The following FGF12 variants were observed in gnomAD, a reference collection of about 807,000 sequenced individuals.
FGF12 encodes the protein fibroblast growth factor 12B.
In FGF12, 14 loss-of-function variants were observed where a neutral mutation model predicts 23.6. That is an observed-to-expected ratio of 0.59 (90% CI 0.39 to 0.93). The LOEUF is 0.93. Among genes scored for constraint, FGF12 ranks in the 40% least tolerant of loss-of-function variants. The probability of loss-of-function intolerance (pLI) is 0.00; values close to 1 mark genes in which losing one functional copy is unlikely to be tolerated. For synonymous variants in FGF12, 62 were observed against 77.3 expected (o/e 0.80, Z 1.04); for missense variants, 175 against 217.8 (o/e 0.80, Z 1.24).
intron 2 of FGF12, among the ~76,000 whole-genome samples, chr3:192,562,971 A>T (rs1405492807): frequency 6.6e-6 from 1 of 152,184 alleles, no homozygotes; most frequent in African/African-American, 2.4e-5. Flanking sequence ...TCTTAGACAC[A>T]TTGTTTGCCA....
intron 2 of FGF12, among the ~76,000 whole-genome samples, chr3:192,599,099 C>T (rs374892082): frequency 1.1e-4 from 17 of 151,850 alleles, no homozygotes; most frequent in Admixed American, 5.3e-4. Flanking sequence ...TATCACACAC[C>T]GGAGCCTGTA....
chr3:192,429,288 G>C (rs994078312), intron 2 of FGF12, among the ~76,000 whole-genome samples: 2 of 152,130 alleles, frequency 1.3e-5, no homozygotes, highest in African/African-American at 4.8e-5. Context: ...AGACTGGCTT[G>C]TGAAGGATCA....
chr3:192,716,101 T>C lies in FGF12; in HGVS notation c.13+11080A>G, dbSNP rs557038631. ...ACTAGATTGTCTACACCAGGTTTTC[T>C]CAAAGATCTAGACTAGCAGCATCAA... On this transcript the variant is annotated intron_variant, in intron 2 of 5. Transcript: ENST00000445105. Among the ~76,000 whole-genome samples, 16 of 152,352 alleles carry C rather than the reference T, an allele frequency of 1.1e-4. No individual in the cohort carries two copies. In the East Asian group the frequency reaches 3.1e-3, roughly 29 times the overall value.
intron 2 of FGF12, among the ~76,000 whole-genome samples, chr3:192,633,852 C>T (rs1442474885): frequency 6.6e-6 from 1 of 152,190 alleles, no homozygotes; most frequent in African/African-American, 2.4e-5. Context: ...TCTCACATCT[C>T]AACAACCCTT....
At chr3:192,695,930 C>A (rs148140612) in intron 2 of FGF12, among the ~76,000 whole-genome samples, 1 of 152,118 alleles carries the variant, frequency 6.6e-6, no homozygotes, top group Non-Finnish European at 1.5e-5. Context: ...GAAACCCCAT[C>A]TCTACTAAAA....
intron 2 of FGF12, among the ~76,000 whole-genome samples, chr3:192,712,012 G>A (rs562460424): frequency 1.3e-5 from 2 of 148,826 alleles, no homozygotes; most frequent in East Asian, 3.9e-4. Flanking sequence ...TCGCATCTGT[G>A]AAATAAGACG....
At chr3:192,465,551 T>C (rs1392379253) in intron 2 of FGF12, among the ~76,000 whole-genome samples, 2 of 152,184 alleles carry the variant, frequency 1.3e-5, no homozygotes, top group East Asian at 1.9e-4. Flanking sequence ...GTCTGGAAAC[T>C]TGGTCGATGG....
chr3:192,145,440 A>T (rs982852536), intron 5 of FGF12, among the ~76,000 whole-genome samples: 1 of 152,198 alleles, frequency 6.6e-6, no homozygotes, highest in Non-Finnish European at 1.5e-5. Context: ...TCTATTACAG[A>T]ACTTCTTAAA....
At chr3:192,641,044 C>T (rs114982404) in intron 2 of FGF12, among the ~76,000 whole-genome samples, 2,973 of 151,788 alleles carry the variant, frequency 0.02, 119 homozygotes, top group African/African-American at 0.069. Context: ...GATCCACCTG[C>T]CTCAGCCTCC....
intron 4 of FGF12, among the ~76,000 whole-genome samples, chr3:192,311,035 C>G (rs941581120): frequency 6.6e-6 from 1 of 152,102 alleles, no homozygotes; most frequent in African/African-American, 2.4e-5. Flanking sequence ...GTATTGAATA[C>G]ATAAAGAACA....
At chr3:192,480,069 A>G (rs1272046180) in intron 2 of FGF12, among the ~76,000 whole-genome samples, 1 of 152,148 alleles carries the variant, frequency 6.6e-6, no homozygotes, top group Non-Finnish European at 1.5e-5. Flanking sequence ...AGAGGACATC[A>G]GTGCTCTGGG....
chr3:192,529,695 C>A (rs748538901), intron 2 of FGF12, among the ~76,000 whole-genome samples: 28 of 152,104 alleles, frequency 1.8e-4, no homozygotes, highest in Non-Finnish European at 2.8e-4. Flanking sequence ...GCATCACAAT[C>A]AAGGCAGAAG....
chr3:192,167,700 T>C (rs1715246381), intron 5 of FGF12, among the ~76,000 whole-genome samples: 1 of 124,824 alleles, frequency 8.0e-6, no homozygotes, highest in Non-Finnish European at 1.6e-5. Flanking sequence ...AAAGTACAGA[T>C]AGCAGCTAAA....
intron 5 of FGF12, among the ~76,000 whole-genome samples, chr3:192,164,672 C>T (rs561889759): frequency 5.5e-4 from 84 of 152,290 alleles, no homozygotes; most frequent in African/African-American, 1.9e-3. Flanking sequence ...GGCTTTTCCT[C>T]CCTAAGAGGA....
chr3:192,391,516 C>T (rs1022518597), intron 2 of FGF12, among the ~76,000 whole-genome samples: 1 of 152,082 alleles, frequency 6.6e-6, no homozygotes, highest in African/African-American at 2.4e-5. Flanking sequence ...AAAGTGATCT[C>T]GTAAAGGCCT....
At chr3:192,432,620 C>CAAAAAA (rs201364119) in intron 2 of FGF12, among the ~76,000 whole-genome samples, 11 of 106,726 alleles carry the variant, frequency 1.0e-4, no homozygotes, top group African/African-American at 2.6e-4. Context: ...TGACATCTGG[C>CAAAAAA]AAAAAAAAAA....
chr3:192,420,411 T>A (rs1232026297), intron 2 of FGF12, among the ~76,000 whole-genome samples: 1 of 152,120 alleles, frequency 6.6e-6, no homozygotes, highest in Non-Finnish European at 1.5e-5. Flanking sequence ...CAGATGTTAA[T>A]CCCCTCCAAC....
intron 3 of FGF12, among the ~76,000 whole-genome samples, chr3:192,358,463 T>C (rs1442113520): frequency 1.8e-5 from 2 of 109,742 alleles, no homozygotes; most frequent in Non-Finnish European, 1.7e-5. Context: ...TGACACAATG[T>C]GTGCCCTATG....
intron 4 of FGF12, among the ~76,000 whole-genome samples, chr3:192,194,938 T>C (rs1006665671): frequency 1.3e-5 from 2 of 152,218 alleles, no homozygotes; most frequent in Non-Finnish European, 2.9e-5. Context: ...GGGTCAGATA[T>C]CGTGCAAAGG....
Sources: allele counts gnomAD v4.1 joint callset (sites outside exome capture counted in the v4.1 genomes callset), GRCh38; gene constraint gnomAD v4.1.1; transcripts MANE v1.5; gene names NCBI Gene and HGNC (gene_info 2026-07-23, HGNC 2026-07-21).